KCNH7: variants seen among roughly 807,000 people sequenced by gnomAD.
KCNH7 encodes the protein voltage-gated inwardly rectifying potassium channel KCNH7.
A neutral mutation model predicts 120.8 loss-of-function variants in KCNH7; 49 were observed. That is an observed-to-expected ratio of 0.41 (90% CI 0.32 to 0.51). The LOEUF is 0.51. Among genes scored for constraint, KCNH7 ranks in the 20% least tolerant of loss-of-function variants. The probability of loss-of-function intolerance (pLI) is 0.38; values close to 1 mark genes in which losing one functional copy is unlikely to be tolerated. For missense variants in KCNH7, 1,097 were observed against 1,446.6 expected (o/e 0.76, Z 3.92); for synonymous variants, 547 against 516.1 (o/e 1.06, Z -0.81).
At chr2:162,680,934 T>G (rs999324717) in intron 2 of KCNH7, among the ~76,000 whole-genome samples, 1 of 151,804 alleles carries the variant, frequency 6.6e-6, no homozygotes, top group Non-Finnish European at 1.5e-5. Flanking sequence ...GACTGAGGGT[T>G]ATCATGCTAA....
chr2:162,537,081 C>G lies in KCNH7; in HGVS notation c.308-1G>C. ...TGAGTGTTACAAATAAAAGTGGACCCTAAGGAGATTAAAAATGAATGTTAG... is the reference window on the plus strand; with the variant it reads ...TGAGTGTTACAAATAAAAGTGGACCGTAAGGAGATTAAAAATGAATGTTAG... On this transcript the variant is annotated splice_acceptor_variant, in intron 2 of 15. Transcript: ENST00000332142. LOFTEE classifies it high-confidence loss of function. 1 of 1,598,396 alleles carries G rather than the reference C, an allele frequency of 6.3e-7. No individual in the cohort carries two copies. Among genetic ancestry groups the G allele is most frequent in the Non-Finnish European group, 8.6e-7 (1 of 1,169,288 alleles).
intron 3 of KCNH7, among the ~76,000 whole-genome samples, chr2:162,529,923 T>G (rs535114082): frequency 1.3e-5 from 2 of 151,970 alleles, no homozygotes; most frequent in Non-Finnish European, 2.9e-5. Context: ...GCTCATTTAT[T>G]CAGTACTTAT....
intron 2 of KCNH7, among the ~76,000 whole-genome samples, chr2:162,741,338 T>G (rs943735498): frequency 1.3e-5 from 2 of 150,222 alleles, no homozygotes; most frequent in African/African-American, 4.9e-5. Context: ...CATATGTTAT[T>G]AATTATACAT....
intron 9 of KCNH7, among the ~76,000 whole-genome samples, chr2:162,417,422 C>T (rs1211128211): frequency 6.6e-6 from 1 of 152,130 alleles, no homozygotes; most frequent in Non-Finnish European, 1.5e-5. Context: ...TGAAACACAT[C>T]ATACCCTTCA....
chr2:162,791,417 C>A (rs1416365339), intron 2 of KCNH7, among the ~76,000 whole-genome samples: 1 of 152,060 alleles, frequency 6.6e-6, no homozygotes, highest in Non-Finnish European at 1.5e-5. Flanking sequence ...TATCCATGAG[C>A]ACAAAATGTT....
intron 6 of KCNH7, among the ~76,000 whole-genome samples, chr2:162,459,618 T>G (rs1689083414): frequency 6.6e-6 from 1 of 152,128 alleles, no homozygotes; most frequent in African/African-American, 2.4e-5. Context: ...TGTAATGGGA[T>G]AGTGGAACCT....
intron 2 of KCNH7, among the ~76,000 whole-genome samples, chr2:162,612,215 T>A (rs2105973464): frequency 6.6e-6 from 1 of 152,290 alleles, no homozygotes; most frequent in East Asian, 1.9e-4. Context: ...GATGTAGGCA[T>A]CATGGCACCT....
At chr2:162,630,502 A>G (rs796902081) in intron 2 of KCNH7, among the ~76,000 whole-genome samples, 7 of 152,172 alleles carry the variant, frequency 4.6e-5, no homozygotes, top group African/African-American at 1.7e-4. Context: ...ACGCAAGAAA[A>G]GTGAAAAAAA....
intron 2 of KCNH7, among the ~76,000 whole-genome samples, chr2:162,697,583 A>G (rs1368090139): frequency 6.6e-6 from 1 of 151,998 alleles, no homozygotes; most frequent in Non-Finnish European, 1.5e-5. Context: ...GAAGGAAGGG[A>G]TTGAGACTGG....
chr2:162,393,878 G>A (rs1006194371), intron 12 of KCNH7, among the ~76,000 whole-genome samples: 3 of 151,938 alleles, frequency 2.0e-5, no homozygotes, highest in Admixed American at 6.6e-5. Flanking sequence ...GTAGCTGCTC[G>A]AAAATGTGAA....
intron 2 of KCNH7, among the ~76,000 whole-genome samples, chr2:162,571,125 A>T (rs1237120226): frequency 1.3e-5 from 2 of 151,814 alleles, no homozygotes; most frequent in Non-Finnish European, 2.9e-5. Context: ...TGCAGATGAC[A>T]TGATTGTATA....
intron 2 of KCNH7, among the ~76,000 whole-genome samples, chr2:162,669,253 A>T (rs1685252311): frequency 6.6e-6 from 1 of 152,210 alleles, no homozygotes; most frequent in Non-Finnish European, 1.5e-5. Context: ...AATGAATCCA[A>T]TGTAGAGCAA....
chr2:162,749,292 G>A (rs1336857081), intron 2 of KCNH7, among the ~76,000 whole-genome samples: 2 of 151,498 alleles, frequency 1.3e-5, no homozygotes, highest in African/African-American at 4.9e-5. Flanking sequence ...TGCACTAAAT[G>A]TTAAGGAATA....
chr2:162,789,834 G>A (rs1230524015), intron 2 of KCNH7, among the ~76,000 whole-genome samples: 2 of 151,800 alleles, frequency 1.3e-5, no homozygotes, highest in Admixed American at 1.3e-4. Context: ...AATCTTATGG[G>A]ATATAGCAAA....
Position 162,476,004 on chromosome 2 carries a change from T to C in KCNH7, c.1128+28439A>G, listed in dbSNP as rs371850496. ...GTGAGATAATTCAACCTGGAATACA[T>C]TAACCCAGAAAACTGCAACTGGAGA... On this transcript the variant is annotated intron_variant, in intron 6 of 15. Coordinates refer to ENST00000332142, the MANE Select transcript of KCNH7 (RefSeq NM_033272.4). Among the ~76,000 whole-genome samples the C allele has an allele frequency of 5.3e-5, 8 of 152,328 alleles. No individual in the cohort carries two copies. In the East Asian group the frequency reaches 1.3e-3, roughly 26 times the overall value.
At chr2:162,489,433 G>A (rs1363939803) in intron 6 of KCNH7, among the ~76,000 whole-genome samples, 2 of 152,098 alleles carry the variant, frequency 1.3e-5, no homozygotes, top group Non-Finnish European at 2.9e-5. Flanking sequence ...ATTTGTCTGG[G>A]TCACATTCAA....
At position 162,383,575 on chromosome 2, in the gene KCNH7, G is replaced by A. The variant is rs148968070; in HGVS notation, c.2962+1113C>T. On this transcript the variant is annotated intron_variant, in intron 13 of 15. Coordinates refer to ENST00000332142, the MANE Select transcript of KCNH7 (RefSeq NM_033272.4). ...CCTTTGTAGCTGAATATGGTACTTG[G>A]GAATAATGATGATAAGTAATATTTA... is the stretch of plus-strand genomic sequence containing the variant. Among the ~76,000 whole-genome samples, 273 of 151,940 alleles carry A rather than the reference G, an allele frequency of 1.8e-3. 1 individual carries two copies. Among genetic ancestry groups the A allele is most frequent in the African/African-American group, 6.3e-3 (260 of 41,500 alleles).
chr2:162,497,848 C>G (rs867176444), intron 6 of KCNH7, among the ~76,000 whole-genome samples: 2 of 152,126 alleles, frequency 1.3e-5, no homozygotes, highest in Middle Eastern at 3.4e-3. Flanking sequence ...CAATCAATGT[C>G]AGAAATCATG....
intron 2 of KCNH7, among the ~76,000 whole-genome samples, chr2:162,696,648 T>TA (rs34435536): frequency 0.15 from 21,991 of 147,262 alleles, 1,759 homozygotes; most frequent in East Asian, 0.34. Context: ...TAGGTCTTCT[T>TA]AAAAAAAAAA....
Sources: allele counts gnomAD v4.1 joint callset (sites outside exome capture counted in the v4.1 genomes callset), GRCh38; gene constraint gnomAD v4.1.1; transcripts MANE v1.5; gene names NCBI Gene and HGNC (gene_info 2026-07-23, HGNC 2026-07-21).